The following CTDSPL variants were observed in gnomAD, a reference collection of about 807,000 sequenced individuals.
CTDSPL encodes the protein CTD small phosphatase-like protein.
Under a neutral mutation model 30.5 loss-of-function variants are expected in CTDSPL, and 8 were observed. The observed-to-expected ratio is 0.26, with a 90% confidence interval of 0.15 to 0.47. The LOEUF is 0.47. Among genes scored for constraint, CTDSPL ranks in the 20% least tolerant of loss-of-function variants. The pLI is 0.99. For missense variants in CTDSPL, 248 were observed against 366.1 expected (o/e 0.68, Z 2.63); for synonymous variants, 110 against 137.9 (o/e 0.80, Z 1.42).
chr3:37,888,613 T>A (rs1698289323), intron 1 of CTDSPL, among the ~76,000 whole-genome samples: 1 of 152,232 alleles, frequency 6.6e-6, no homozygotes. Flanking sequence ...CTGTTTGAGT[T>A]GTATGATATC....
intron 1 of CTDSPL, among the ~76,000 whole-genome samples, chr3:37,915,591 AT>A (rs1240950880): frequency 6.6e-6 from 1 of 151,978 alleles, no homozygotes; most frequent in Non-Finnish European, 1.5e-5. Flanking sequence ...TGAATTCTTA[AT>A]TTTAGTTATT....
rs1053518875 is a variant in CTDSPL at position 37,923,484 on chromosome 3, G to C, written c.80-23573G>C. Among the ~76,000 whole-genome samples the C allele has an allele frequency of 2.0e-5, 3 of 152,176 alleles. No homozygotes were observed. In the East Asian group the frequency reaches 5.8e-4, roughly 29 times the overall value. On this transcript the variant is annotated intron_variant, in intron 1 of 7. Coordinates refer to ENST00000273179, the MANE Select transcript of CTDSPL (RefSeq NM_001008392.2). ...TCTTATTCCATGTTCAGTCCCCAGC[G>C]TGTGGTGTCTATTTTGAAATATGTG...
chr3:37,921,190 TC>T (rs1309408494), intron 1 of CTDSPL, among the ~76,000 whole-genome samples: 3 of 152,098 alleles, frequency 2.0e-5, no homozygotes, highest in Non-Finnish European at 4.4e-5. Flanking sequence ...AGGGCCATTT[TC>T]CCCCCAGGTA....
chr3:37,952,575 T>A (rs1163141280), intron 2 of CTDSPL, among the ~76,000 whole-genome samples: 1 of 152,272 alleles, frequency 6.6e-6, no homozygotes, highest in Non-Finnish European at 1.5e-5. Flanking sequence ...GCTTATGTCT[T>A]ATTGGCCTGA....
At chr3:37,939,246 A>C (rs1400525009) in intron 1 of CTDSPL, among the ~76,000 whole-genome samples, 1 of 150,258 alleles carries the variant, frequency 6.7e-6, no homozygotes, top group Non-Finnish European at 1.5e-5. Context: ...TTACACAAAC[A>C]TACATGTTTT....
At chr3:37,876,355 C>T (rs778538239) in intron 1 of CTDSPL, among the ~76,000 whole-genome samples, 53 of 152,178 alleles carry the variant, frequency 3.5e-4, no homozygotes, top group South Asian at 6.2e-4. Context: ...TGTATAACCA[C>T]TACCACAATC....
chr3:37,928,106 G>T (rs1698806660), intron 1 of CTDSPL, among the ~76,000 whole-genome samples: 1 of 152,006 alleles, frequency 6.6e-6, no homozygotes, highest in Non-Finnish European at 1.5e-5. Context: ...ATATTCCATT[G>T]TATGCATGGA....
At chr3:37,927,680 A>ATATATG (rs1317726442) in intron 1 of CTDSPL, among the ~76,000 whole-genome samples, 2 of 79,304 alleles carry the variant, frequency 2.5e-5, no homozygotes, top group African/African-American at 3.8e-5. Flanking sequence ...GTGTGTGTGT[A>ATATATG]TGTGTATATA....
intron 1 of CTDSPL, among the ~76,000 whole-genome samples, chr3:37,897,399 T>C (rs1314765357): frequency 2.0e-5 from 3 of 152,162 alleles, no homozygotes; most frequent in Non-Finnish European, 2.9e-5. Flanking sequence ...TTGATTTTTT[T>C]CCCAATTTAA....
rs1208571694 is a variant in CTDSPL at position 37,984,458 on chromosome 3, T to C, written c.*3591T>C. 1 of 384,918 alleles carries C rather than the reference T, an allele frequency of 2.6e-6. No homozygotes were observed. The highest frequency in any genetic ancestry group is 5.3e-6 in the Non-Finnish European group (1 of 187,464). The allele number at this position is 384,918 out of a possible 1,614,324, so 23.8% of individuals were successfully genotyped here. ...ATTTCCTTCCTGCCAAAAATAAACA[T>C]GTGAAACTGCACTCTTTTGTGGATT... On this transcript the variant is annotated 3_prime_UTR_variant, in exon 8 of 8. Transcript: ENST00000273179.
At position 37,939,700 on chromosome 3, in the gene CTDSPL, T is replaced by C. The variant is rs530526471; in HGVS notation, c.80-7357T>C. On this transcript the variant is annotated intron_variant, in intron 1 of 7. Transcript: ENST00000273179. ...CTACTCCTTTGATTTCTTAAATGTT[T>C]TGTGCTTTCTCTCACACCAGGCCTT... 3.4e-5 allele frequency among the ~76,000 whole-genome samples: 5 copies of C among 149,218 alleles called. No homozygotes were observed. The East Asian group carries it at 9.8e-4, about 29-fold the overall frequency.
chr3:37,901,251 A>T (rs1698447712), intron 1 of CTDSPL, among the ~76,000 whole-genome samples: 1 of 152,196 alleles, frequency 6.6e-6, no homozygotes, highest in African/African-American at 2.4e-5. Context: ...TATGCTCCAA[A>T]GGGACCTGGG....
chr3:37,888,023 G>A (rs1414095716), intron 1 of CTDSPL, among the ~76,000 whole-genome samples: 17 of 152,212 alleles, frequency 1.1e-4, no homozygotes, highest in Admixed American at 1.1e-3. Context: ...CAAAGGTGGG[G>A]GAGAGGGTGT....
At chr3:37,902,854 A>G (rs986629986) in intron 1 of CTDSPL, among the ~76,000 whole-genome samples, 3 of 152,194 alleles carry the variant, frequency 2.0e-5, no homozygotes, top group African/African-American at 4.8e-5. Flanking sequence ...GGCTGTGGCA[A>G]GTGCTCACTG....
intron 1 of CTDSPL, among the ~76,000 whole-genome samples, chr3:37,905,072 G>A (rs1189122844): frequency 6.6e-6 from 1 of 152,116 alleles, no homozygotes; most frequent in East Asian, 1.9e-4. Context: ...CTTCAAACAC[G>A]GGGACTCAGA....
intron 3 of CTDSPL, among the ~76,000 whole-genome samples, chr3:37,961,610 T>C (rs772789528): frequency 1.3e-5 from 2 of 152,158 alleles, no homozygotes; most frequent in Non-Finnish European, 2.9e-5. Context: ...AATACAGCAA[T>C]AGTACACTTC....
chr3:37,965,936 T>G (rs919092076), intron 4 of CTDSPL, among the ~76,000 whole-genome samples: 2 of 152,202 alleles, frequency 1.3e-5, no homozygotes, highest in African/African-American at 4.8e-5. Context: ...ATATGGTGAC[T>G]TTGTGTCCCA....
chr3:37,910,899 T>C (rs568486285), intron 1 of CTDSPL, among the ~76,000 whole-genome samples: 1 of 152,334 alleles, frequency 6.6e-6, no homozygotes, highest in South Asian at 2.1e-4. Flanking sequence ...GGTAAGACCC[T>C]GGGTTACAGC....
chr3:37,929,412 A>G (rs752431445), intron 1 of CTDSPL, among the ~76,000 whole-genome samples: 3 of 152,206 alleles, frequency 2.0e-5, no homozygotes, highest in Non-Finnish European at 4.4e-5. Context: ...CTTCCACTCC[A>G]TGAACACAGA....
Sources: gnomAD v4.1 joint callset for allele counts (sites outside exome capture counted in the v4.1 genomes callset) on GRCh38, gnomAD v4.1.1 for gene constraint, MANE v1.5 for transcripts, NCBI Gene and HGNC (gene_info 2026-07-23, HGNC 2026-07-21) for gene names.